SHISA6: variants seen among roughly 807,000 people sequenced by gnomAD.
SHISA6 encodes protein shisa-6.
SHISA6 carries 22 observed loss-of-function variants against 47.9 expected under a neutral mutation model. The observed-to-expected ratio is 0.46, with a 90% CI of 0.33 to 0.66. SHISA6 has a LOEUF of 0.66. Among genes scored for constraint, SHISA6 ranks in the 30% least tolerant of loss-of-function variants. The pLI, the probability that SHISA6 is intolerant of heterozygous loss-of-function variation, is 0.02. For synonymous variants in SHISA6, 388 were observed against 337.8 expected (o/e 1.15, Z -1.63); for missense variants, 680 against 764.6 (o/e 0.89, Z 1.30).
intron 3 of SHISA6, among the ~76,000 whole-genome samples, chr17:11,515,775 G>C (rs1055558559): frequency 6.6e-6 from 1 of 152,162 alleles, no homozygotes; most frequent in Non-Finnish European, 1.5e-5. Flanking sequence ...AGGAGCGCAA[G>C]GGTAGATGCA....
intron 3 of SHISA6, among the ~76,000 whole-genome samples, chr17:11,407,009 G>T (rs1487389762): frequency 1.3e-5 from 2 of 152,120 alleles, no homozygotes; most frequent in Non-Finnish European, 2.9e-5. Flanking sequence ...TTGGATGTTA[G>T]CCAATCTAAA....
In SHISA6 at chr17:11,558,715, G is replaced by A. The variant is rs1209817245; in HGVS notation, c.*411G>A. 1.0e-4 allele frequency: 25 copies of A among 248,432 alleles called. No individual in the cohort carries two copies. In the South Asian group the frequency reaches 1.2e-3, roughly 12 times the overall value. The allele number at this position is 248,432 out of a possible 1,614,324, so 15.4% of individuals were successfully genotyped here. A position where few individuals can be genotyped will look rare whatever the true frequency, so the allele number is the denominator to read the frequency against. On this transcript the variant is annotated 3_prime_UTR_variant, in exon 6 of 6. Transcript: ENST00000441885. The stretch of plus-strand genomic sequence containing the variant: ...GCTGCCTGGGTTTGAAGGGGCCAGC[G>A]GGTCCAATCAGTGGGCTGACCGGAT...
intron 3 of SHISA6, among the ~76,000 whole-genome samples, chr17:11,499,338 A>G (rs2071432106): frequency 6.6e-6 from 1 of 152,128 alleles, no homozygotes; most frequent in Non-Finnish European, 1.5e-5. Flanking sequence ...AGTGGACTAT[A>G]AAGCACCATT....
At chr17:11,538,645 G>C (rs1001851336) in intron 3 of SHISA6, among the ~76,000 whole-genome samples, 2 of 152,172 alleles carry the variant, frequency 1.3e-5, no homozygotes, top group African/African-American at 4.8e-5. Flanking sequence ...GATTCCTAGA[G>C]CCTGTGTCGA....
At chr17:11,531,702 A>G (rs1308667283) in intron 3 of SHISA6, among the ~76,000 whole-genome samples, 2 of 152,246 alleles carry the variant, frequency 1.3e-5, no homozygotes, top group Non-Finnish European at 2.9e-5. Context: ...GACAGTAATC[A>G]GTGGCTCCAT....
At chr17:11,408,310 G>A (rs887576910) in intron 3 of SHISA6, among the ~76,000 whole-genome samples, 1 of 152,166 alleles carries the variant, frequency 6.6e-6, no homozygotes, top group African/African-American at 2.4e-5. Flanking sequence ...CACACCAGCA[G>A]CATCAACATT....
At chr17:11,492,108 A>T (rs888710275) in intron 3 of SHISA6, among the ~76,000 whole-genome samples, 2 of 152,112 alleles carry the variant, frequency 1.3e-5, no homozygotes, top group Non-Finnish European at 2.9e-5. Context: ...TGATGTGAGC[A>T]GAGTCTTGGG....
At chr17:11,543,160 C>T (rs1184482778) in intron 3 of SHISA6, among the ~76,000 whole-genome samples, 1 of 152,140 alleles carries the variant, frequency 6.6e-6, no homozygotes, top group Non-Finnish European at 1.5e-5. Flanking sequence ...GCTCCGTAGA[C>T]ATATTTTTCT....
chr17:11,358,426 C>T (rs1005301940), intron 2 of SHISA6, among the ~76,000 whole-genome samples: 5 of 150,626 alleles, frequency 3.3e-5, no homozygotes, highest in Admixed American at 6.6e-5. Context: ...GTGGTGCGAT[C>T]GCCACTCACT....
intron 3 of SHISA6, among the ~76,000 whole-genome samples, chr17:11,518,722 G>T (rs1482384413): frequency 6.6e-6 from 1 of 152,146 alleles, no homozygotes; most frequent in East Asian, 1.9e-4. Flanking sequence ...ATCACTATAG[G>T]AATGCTGGGG....
At position 11,402,059 on chromosome 17, in the gene SHISA6, A is replaced by G. The variant is rs765208282; in HGVS notation, c.895+22550A>G. Among the ~76,000 whole-genome samples, 143 of 151,816 alleles carry G rather than the reference A, an allele frequency of 9.4e-4. 1 individual carries two copies. The highest frequency in any genetic ancestry group is 3.4e-3 in the Middle Eastern group (1 of 294). On this transcript the variant is annotated intron_variant, in intron 3 of 5. Transcript: ENST00000441885. Reference sequence around the variant, plus strand: ...AATTTTGAAATTTCTTTTGGCAGACATTGTAAGGGGCTCCTAACTTGGGGT... The same window carrying G: ...AATTTTGAAATTTCTTTTGGCAGACGTTGTAAGGGGCTCCTAACTTGGGGT...
chr17:11,546,097 G>C (rs2071881231), intron 3 of SHISA6, among the ~76,000 whole-genome samples: 1 of 152,128 alleles, frequency 6.6e-6, no homozygotes, highest in African/African-American at 2.4e-5. Flanking sequence ...GCCATTTTTG[G>C]AAAATACAAT....
chr17:11,476,206 C>T (rs1916047252), intron 3 of SHISA6, among the ~76,000 whole-genome samples: 1 of 151,902 alleles, frequency 6.6e-6, no homozygotes, highest in African/African-American at 2.4e-5. Context: ...AGAGGCTTAT[C>T]AATTTCATGT....
chr17:11,445,205 G>A (rs533308345), intron 3 of SHISA6, among the ~76,000 whole-genome samples: 15 of 152,054 alleles, frequency 9.9e-5, no homozygotes, highest in African/African-American at 2.4e-4. Context: ...AGCTCTTTTC[G>A]GCTTCTTTTA....
At chr17:11,286,497 G>A (rs1438163097) in intron 2 of SHISA6, among the ~76,000 whole-genome samples, 1 of 151,990 alleles carries the variant, frequency 6.6e-6, no homozygotes, top group Non-Finnish European at 1.5e-5. Flanking sequence ...TTCTTGGCTT[G>A]TACCTCTCGG....
Position 11,326,043 on chromosome 17 carries a change from G to A in SHISA6, c.800-53371G>A, listed in dbSNP as rs185405060. 7.9e-5 allele frequency among the ~76,000 whole-genome samples: 12 copies of A among 152,276 alleles called. No homozygotes were observed. In the East Asian group the frequency reaches 9.7e-4, roughly 12 times the overall value. On this transcript the variant is annotated intron_variant, in intron 2 of 5. Coordinates refer to ENST00000441885, the MANE Select transcript of SHISA6 (RefSeq NM_207386.4). ...CCCAGCAGTTTGGGAGGCCAAGGCC[G>A]GCGGATCACGAGGTCAGGAGATCGT...
At chr17:11,289,827 CTCT>C (rs1909456591) in intron 2 of SHISA6, 1 of 152,002 alleles carries the variant, frequency 6.6e-6, no homozygotes, top group Non-Finnish European at 1.5e-5. Context: ...TGTGCTCTCT[CTCT>C]TATTTCTGAC....
chr17:11,493,116 T>C (rs968959086), intron 3 of SHISA6, among the ~76,000 whole-genome samples: 1 of 152,244 alleles, frequency 6.6e-6, no homozygotes, highest in Non-Finnish European at 1.5e-5. Flanking sequence ...TAATGATTGC[T>C]GTGAGTCCAG....
chr17:11,455,835 G>A (rs922841150), intron 3 of SHISA6, among the ~76,000 whole-genome samples: 8 of 152,110 alleles, frequency 5.3e-5, no homozygotes, highest in Admixed American at 2.0e-4. Flanking sequence ...TCTGGTCATC[G>A]AAAAGCTCTT....
Sources: allele counts gnomAD v4.1 joint callset (sites outside exome capture counted in the v4.1 genomes callset), GRCh38; gene constraint gnomAD v4.1.1; transcripts MANE v1.5; gene names NCBI Gene and HGNC (gene_info 2026-07-23, HGNC 2026-07-21).